The following FARP1 variants were observed in gnomAD, a reference collection of about 807,000 sequenced individuals.
FARP1 encodes the protein FERM, ARH/RhoGEF and pleckstrin domain protein 1, also known as FERM, ARHGEF and pleckstrin domain-containing protein 1.
Under a neutral mutation model 128.8 loss-of-function variants are expected in FARP1, and 52 were observed. The ratio of observed to expected loss-of-function variants is 0.40; its 90% CI spans 0.32 to 0.51. The LOEUF (loss-of-function observed/expected upper bound fraction) is 0.51. Ranked by LOEUF, FARP1 falls within the 20% of genes least tolerant of loss-of-function variation. The pLI, the probability that FARP1 is intolerant of heterozygous loss-of-function variation, is 0.45. For synonymous variants in FARP1, 580 were observed against 551.8 expected (o/e 1.05, Z -0.72); for missense variants, 1,333 against 1,367.9 (o/e 0.97, Z 0.40).
intron 2 of FARP1, among the ~76,000 whole-genome samples, chr13:98,257,993 A>G (rs1883690403): frequency 6.6e-6 from 1 of 151,846 alleles, no homozygotes; most frequent in Admixed American, 6.6e-5. Flanking sequence ...TTTTTTTTTG[A>G]GATGGAGTCT....
At chr13:98,219,878 A>G (rs545089261) in intron 2 of FARP1, among the ~76,000 whole-genome samples, 12 of 151,974 alleles carry the variant, frequency 7.9e-5, no homozygotes, top group African/African-American at 2.7e-4. Context: ...TATGTTGCCC[A>G]GGCTGGTCTC....
rs776123722 is a variant in FARP1 at position 98,411,983 on chromosome 13, A to G, written c.1775A>G (p.His592Arg). ...SLIFPNFEPL[H>R]KFHTNFLKEI... ...ATATTCCCGAATTTTGAACCTTTGC[A>G]CAAATTTCATACTAATTTTCTCAAG... Residue 592 changes from histidine to arginine, a missense_variant, in exon 16 of 27, where the codon CAC (histidine) becomes CGC (arginine). His to Arg is a conservative substitution (Grantham distance 29, BLOSUM62 0). Around this residue, in one of 2 missense-constraint regions of FARP1, gnomAD observed 1,009 missense variants for 969.8 expected, o/e 1.04. Transcript: ENST00000319562. 2 of 1,613,992 alleles carry G rather than the reference A, an allele frequency of 1.2e-6. No individual in the cohort carries two copies. Among genetic ancestry groups the G allele is most frequent in the African/African-American group, 1.3e-5 (1 of 74,926 alleles).
At chr13:98,227,949 G>T (rs1324118552) in intron 2 of FARP1, among the ~76,000 whole-genome samples, 2 of 152,228 alleles carry the variant, frequency 1.3e-5, no homozygotes, top group Non-Finnish European at 2.9e-5. Flanking sequence ...GCTGTGGGAA[G>T]GCAGAAATGG....
At chr13:98,244,781 A>G (rs973645051) in intron 2 of FARP1, 13 of 1,583,250 alleles carry the variant, frequency 8.2e-6, no homozygotes, top group African/African-American at 2.7e-5. Flanking sequence ...GTTAAATTCA[A>G]AGGTGACATT....
intron 2 of FARP1, among the ~76,000 whole-genome samples, chr13:98,279,594 T>C (rs1184639886): frequency 6.6e-6 from 1 of 152,196 alleles, no homozygotes; most frequent in African/African-American, 2.4e-5. Context: ...ACTAGCCACA[T>C]GTGGCTAGTG....
At chr13:98,409,197 A>G (rs1194333846) in intron 13 of FARP1, 141 bp from the exon 14 acceptor site, 8 of 649,234 alleles carry the variant, frequency 1.2e-5, no homozygotes, top group Admixed American at 3.1e-5. Context: ...GAAAAAAACT[A>G]GAAAATAAAG....
At chr13:98,395,140 G>A in intron 12 of FARP1, 87 bp from the exon 13 acceptor site, 1 of 1,481,520 alleles carries the variant, frequency 6.7e-7, no homozygotes. Context: ...GGGTGTTCTT[G>A]CCTGGCTCTC....
Position 98,448,899 on chromosome 13 carries a change from CT to C in FARP1, c.*583del, listed in dbSNP as rs1375301793. The C allele has an allele frequency of 6.6e-6, 1 of 152,226 alleles. No homozygotes were observed. Among genetic ancestry groups the C allele is most frequent in the Non-Finnish European group, 1.5e-5 (1 of 68,084 alleles). 9.4% of individuals were successfully genotyped at this position (152,226 alleles called of 1,614,324 possible). ...GCAATTTGCAGCACACAGCGTTCCACTGCGGGGTTTCACGCTCACCTGAAAA... is the reference window on the plus strand; with the variant it reads ...GCAATTTGCAGCACACAGCGTTCCACGCGGGGTTTCACGCTCACCTGAAAA... On this transcript the variant is annotated 3_prime_UTR_variant, in exon 27 of 27. Coordinates refer to ENST00000319562, the MANE Select transcript of FARP1 (RefSeq NM_005766.4).
chr13:98,320,317 C>T (rs1886933938), intron 2 of FARP1, among the ~76,000 whole-genome samples: 1 of 152,218 alleles, frequency 6.6e-6, no homozygotes, highest in Admixed American at 6.5e-5. Context: ...ACTCTCCGTA[C>T]AATCTGGATG....
intron 19 of FARP1, chr13:98,437,814 C>T (rs773675926): frequency 1.4e-5 from 22 of 1,596,550 alleles, no homozygotes; most frequent in African/African-American, 4.0e-5. Flanking sequence ...ACAAGCCAGG[C>T]GCATCCCATG....
chr13:98,239,575 A>T (rs1471679509), intron 2 of FARP1, among the ~76,000 whole-genome samples: 1 of 152,010 alleles, frequency 6.6e-6, no homozygotes, highest in Non-Finnish European at 1.5e-5. Flanking sequence ...CTCCAGCATG[A>T]GTGGGGCTGA....
chr13:98,167,247 G>A (rs1264884430), intron 1 of FARP1, among the ~76,000 whole-genome samples: 2 of 151,938 alleles, frequency 1.3e-5, no homozygotes, highest in African/African-American at 2.4e-5. Context: ...ATTTATAGGC[G>A]TTCCTTTGTA....
At chr13:98,310,991 C>A (rs1291315675) in intron 2 of FARP1, among the ~76,000 whole-genome samples, 1 of 152,134 alleles carries the variant, frequency 6.6e-6, no homozygotes, top group Admixed American at 6.5e-5. Context: ...CAGGCTCTAT[C>A]TGTGGGAAGT....
At chr13:98,384,482 T>G (rs892009742) in intron 6 of FARP1, 22 of 525,626 alleles carry the variant, frequency 4.2e-5, no homozygotes, top group African/African-American at 3.8e-4. Flanking sequence ...CATGAGCTAC[T>G]GTGCCTGACC....
intron 1 of FARP1, among the ~76,000 whole-genome samples, chr13:98,178,467 A>G (rs752328411): frequency 6.6e-6 from 1 of 152,220 alleles, no homozygotes; most frequent in African/African-American, 2.4e-5. Flanking sequence ...AAATGTTGGT[A>G]TTACAGGCGT....
chr13:98,395,808 C>G (rs1190264601), intron 13 of FARP1: 1 of 403,048 alleles, frequency 2.5e-6, no homozygotes, highest in African/African-American at 2.1e-5. Context: ...CAAGGCATAG[C>G]TCTCTCATAG....
intron 1 of FARP1, among the ~76,000 whole-genome samples, chr13:98,150,714 G>A (rs1463688389): frequency 2.6e-5 from 4 of 152,076 alleles, no homozygotes. Context: ...GGATGGCGAT[G>A]GAACACTTTT....
intron 1 of FARP1, among the ~76,000 whole-genome samples, chr13:98,184,660 C>A (rs1474838744): frequency 1.3e-5 from 2 of 152,018 alleles, no homozygotes; most frequent in Non-Finnish European, 2.9e-5. Context: ...ATCCTGCTTC[C>A]GCCTTTGGTG....
At chr13:98,305,233 A>C (rs1382705245) in intron 2 of FARP1, among the ~76,000 whole-genome samples, 2 of 151,968 alleles carry the variant, frequency 1.3e-5, no homozygotes, top group Non-Finnish European at 2.9e-5. Context: ...ATGTGATCCT[A>C]GTACTGGCTG....
Sources: allele counts gnomAD v4.1 joint callset (sites outside exome capture counted in the v4.1 genomes callset), GRCh38; gene constraint gnomAD v4.1.1; regional missense constraint gnomAD v4.1.1; transcripts MANE v1.5; gene names NCBI Gene and HGNC (gene_info 2026-07-23, HGNC 2026-07-21).